Variants in PAPPA observed in about 807,000 individuals in gnomAD.
PAPPA encodes the protein pappalysin 1.
In PAPPA, 60 loss-of-function variants were observed where a neutral mutation model predicts 164.0. The ratio of observed to expected loss-of-function variants is 0.37; its 90% CI spans 0.30 to 0.45. PAPPA has a LOEUF of 0.45. Ranked by LOEUF, PAPPA falls within the 20% of genes least tolerant of loss-of-function variation. PAPPA has a pLI of 1.00. For synonymous variants in PAPPA, 875 were observed against 814.1 expected, an observed-to-expected ratio of 1.07 and a Z score of -1.27; for missense variants, 1,782 against 2,087.3, an observed-to-expected ratio of 0.85 and a Z score of 2.85.
intron 10 of PAPPA, among the ~76,000 whole-genome samples, chr9:116,323,093 C>T (rs535696572): frequency 1.2e-4 from 18 of 152,192 alleles, no homozygotes; most frequent in Non-Finnish European, 2.1e-4. Flanking sequence ...CCCCTCTTCT[C>T]CCTCCGTCTC....
At chr9:116,163,475 G>A (rs1164858288) in intron 1 of PAPPA, among the ~76,000 whole-genome samples, 1 of 152,182 alleles carries the variant, frequency 6.6e-6, no homozygotes, top group African/African-American at 2.4e-5. Flanking sequence ...AGTTTGCTGT[G>A]TGACTTTAGG....
intron 10 of PAPPA, among the ~76,000 whole-genome samples, chr9:116,308,275 C>T (rs1845671769): frequency 6.6e-6 from 1 of 152,142 alleles, no homozygotes; most frequent in Non-Finnish European, 1.5e-5. Flanking sequence ...GAGGGAGTTT[C>T]CCCGAGGAAG....
chr9:116,154,673 CG>C lies in PAPPA; in HGVS notation c.415+91del. Reference sequence around the variant, plus strand: ...GTCTGGGCGCGGGTGGCGGGCGGGTCGGGGGCTTGCGGGCGTGTCTGTGCGA... The same window carrying C: ...GTCTGGGCGCGGGTGGCGGGCGGGTCGGGGCTTGCGGGCGTGTCTGTGCGA... On this transcript the variant is annotated intron_variant, in intron 1 of 21. Transcript: ENST00000328252. This position sits in a 1 kb window ranked among gnomAD's most constrained non-coding sequence, Gnocchi z 5.2. The C allele has an allele frequency of 1.6e-6, 2 of 1,237,254 alleles. No individual in the cohort carries two copies. Among genetic ancestry groups the C allele is most frequent in the African/African-American group, 1.6e-5 (1 of 64,070 alleles). The allele number at this position is 1,237,254 out of a possible 1,614,324, so 76.6% of individuals were successfully genotyped here. A position where few individuals can be genotyped will look rare whatever the true frequency, so the allele number is the denominator to read the frequency against.
intron 8 of PAPPA, among the ~76,000 whole-genome samples, chr9:116,266,697 A>T (rs1364164042): frequency 6.6e-6 from 1 of 152,222 alleles, no homozygotes; most frequent in Non-Finnish European, 1.5e-5. Context: ...AGGAGCCACC[A>T]AGACTTTTGC....
chr9:116,233,762 A>G (rs1844626612), intron 6 of PAPPA, among the ~76,000 whole-genome samples: 1 of 152,142 alleles, frequency 6.6e-6, no homozygotes. Context: ...TATTGACATT[A>G]TAGTGATTCC....
intron 9 of PAPPA, among the ~76,000 whole-genome samples, chr9:116,299,108 A>T (rs1845547027): frequency 6.6e-6 from 1 of 152,118 alleles, no homozygotes; most frequent in Non-Finnish European, 1.5e-5. Context: ...ATGTAGCTGA[A>T]GGGCCCCCGG....
intron 10 of PAPPA, among the ~76,000 whole-genome samples, chr9:116,305,430 C>T (rs1388423410): frequency 1.3e-5 from 2 of 148,624 alleles, no homozygotes; most frequent in African/African-American, 2.5e-5. Context: ...TTCTCACTTT[C>T]CCCCCAGATG....
At chr9:116,354,977 T>C (rs1846334298) in intron 17 of PAPPA, among the ~76,000 whole-genome samples, 1 of 152,100 alleles carries the variant, frequency 6.6e-6, no homozygotes, top group African/African-American at 2.4e-5. Flanking sequence ...TCCTTGTACC[T>C]TTTTCAGCTG....
At chr9:116,237,208 C>T (rs559591421) in intron 7 of PAPPA, among the ~76,000 whole-genome samples, 1 of 152,232 alleles carries the variant, frequency 6.6e-6, no homozygotes, top group Non-Finnish European at 1.5e-5. Context: ...GTGCACATCA[C>T]AGGCAAACTC....
At position 116,402,234 on chromosome 9, in the gene PAPPA, A is replaced by G. The variant is rs1399105576; in HGVS notation, c.*5618A>G. On this transcript the variant is annotated 3_prime_UTR_variant, in exon 22 of 22. Transcript: ENST00000328252. ...TACAGGTTGGATCTCACAAATAATAATGTCAGAGACAGAAATATTTTGCCA... is the reference window on the plus strand; with the variant it reads ...TACAGGTTGGATCTCACAAATAATAGTGTCAGAGACAGAAATATTTTGCCA... 1 of 152,600 alleles carries G rather than the reference A, an allele frequency of 6.6e-6. No homozygotes were observed. Among genetic ancestry groups the G allele is most frequent in the Non-Finnish European group, 1.5e-5 (1 of 68,030 alleles). 9.5% of individuals were successfully genotyped at this position (152,600 alleles called of 1,614,324 possible). A position where few individuals can be genotyped will look rare whatever the true frequency, so the allele number is the denominator to read the frequency against.
At chr9:116,180,524 T>C (rs1275233508) in intron 1 of PAPPA, among the ~76,000 whole-genome samples, 1 of 152,312 alleles carries the variant, frequency 6.6e-6, no homozygotes, top group East Asian at 1.9e-4. Flanking sequence ...AGAAAGTGTT[T>C]GTTATTATTA....
At chr9:116,210,172 A>G (rs990825481) in intron 3 of PAPPA, among the ~76,000 whole-genome samples, 1 of 151,868 alleles carries the variant, frequency 6.6e-6, no homozygotes, top group African/African-American at 2.4e-5. Flanking sequence ...CCCTTCTCAT[A>G]CCCAAGTGAA....
intron 9 of PAPPA, among the ~76,000 whole-genome samples, chr9:116,293,858 G>A (rs1382988867): frequency 1.3e-5 from 2 of 152,120 alleles, no homozygotes; most frequent in Admixed American, 1.3e-4. Flanking sequence ...AGGAGGCTGA[G>A]GCAGGAGAAT....
chr9:116,265,861 C>T lies in PAPPA; in HGVS notation c.2737C>T (p.Leu913=), dbSNP rs1248585550. 1 of 1,597,090 alleles carries T rather than the reference C, an allele frequency of 6.3e-7. No individual in the cohort carries two copies. The highest frequency in any genetic ancestry group is 2.2e-5 in the East Asian group (1 of 44,526). The change falls in exon 8 of 22, where the codon CTA becomes TTA. Residue 913 remains leucine (L), a synonymous_variant. Coordinates refer to ENST00000328252, the MANE Select transcript of PAPPA (RefSeq NM_002581.5). ...HLNRKFVDMD[L]NLGSVYQYWV... is the part of the protein sequence containing the mutation. ...TGTCTTCTTTGTATTTTCCAGGGAT[C>T]TAAATCTTGGCAGTGTGTACCAGTA...
intron 2 of PAPPA, among the ~76,000 whole-genome samples, chr9:116,205,026 G>A (rs577232825): frequency 9.9e-5 from 15 of 151,750 alleles, no homozygotes; most frequent in East Asian, 3.9e-4. Context: ...GGAATACCTC[G>A]GGCAGCAAAA....
chr9:116,355,977 C>T (rs1241433847), intron 17 of PAPPA, among the ~76,000 whole-genome samples: 1 of 152,136 alleles, frequency 6.6e-6, no homozygotes, highest in Non-Finnish European at 1.5e-5. Flanking sequence ...CCTCTTGCTG[C>T]CTATAAACAT....
In PAPPA at chr9:116,227,467, G is replaced by C. The variant is rs757932162; in HGVS notation, c.2148G>C (p.Gly716=). Residue 716 remains glycine (G), a synonymous_variant, in exon 6 of 22, where the codon GGG becomes GGC. Transcript: ENST00000328252. Reference sequence around the variant, plus strand: ...CAGCATGTCATCTTTGCCTGGAAGGGAGAATCCTGGTGCAGTATGCTTCCA... The same window carrying C: ...CAGCATGTCATCTTTGCCTGGAAGGCAGAATCCTGGTGCAGTATGCTTCCA... ...LGSACHLCLE[G]RILVQYASNA... is the part of the protein sequence containing the mutation. 2 of 1,614,044 alleles carry C rather than the reference G, an allele frequency of 1.2e-6. No homozygotes were observed. The highest frequency in any genetic ancestry group is 1.7e-6 in the Non-Finnish European group (2 of 1,179,952).
chr9:116,334,750 T>C (rs1846038508), intron 12 of PAPPA, 111 bp from the exon 13 acceptor site: 1 of 701,296 alleles, frequency 1.4e-6, no homozygotes. Flanking sequence ...ATGGTGCTTT[T>C]GTGCAGTGAC....
chr9:116,379,582 T>TCCATC (rs1846700628), intron 20 of PAPPA, among the ~76,000 whole-genome samples: 1 of 151,944 alleles, frequency 6.6e-6, no homozygotes, highest in East Asian at 1.9e-4. Flanking sequence ...CATCCATCCA[T>TCCATC]CGTTTTACTA....
Sources: allele counts gnomAD v4.1 joint callset (sites outside exome capture counted in the v4.1 genomes callset), GRCh38; gene constraint gnomAD v4.1.1; non-coding constraint Gnocchi (gnomAD v3.1); transcripts MANE v1.5; gene names NCBI Gene and HGNC (gene_info 2026-07-23, HGNC 2026-07-21).